Variants in STIMATE observed in about 807,000 individuals in gnomAD.
STIMATE encodes STIM activating enhancer, also known as store-operated calcium entry regulator STIMATE.
A neutral mutation model predicts 36.7 loss-of-function variants in STIMATE; 15 were observed. The observed-to-expected ratio is 0.41, with a 90% confidence interval of 0.27 to 0.63. The LOEUF is 0.63. Among genes scored for constraint, STIMATE ranks in the 20% least tolerant of loss-of-function variants. STIMATE has a pLI of 0.32. For missense variants in STIMATE, 305 were observed against 397.3 expected (o/e 0.77, Z 1.98); for synonymous variants, 163 against 162.3 (o/e 1.00, Z -0.03).
chr3:52,844,750 T>C (rs1302454385), intron 5 of STIMATE, 79 bp downstream of exon 5: 6 of 1,534,452 alleles, frequency 3.9e-6, no homozygotes, highest in Admixed American at 1.7e-5. Context: ...TTTCCTAGAG[T>C]TGGCGTATGT....
At position 52,862,670 on chromosome 3, in the gene STIMATE, C is replaced by A. The variant is rs866087854; in HGVS notation, c.161-7226G>T. ...GAAGCATATAGGTGAGTTTTCCCCT[C>A]AAAATCTAGTTGGCAATGATAATGG... On this transcript the variant is annotated intron_variant, in intron 1 of 7. Transcript: ENST00000355083. Among the ~76,000 whole-genome samples, 11 of 152,254 alleles carry A rather than the reference C, an allele frequency of 7.2e-5. No homozygotes were observed. The South Asian group carries it at 1.9e-3, about 26-fold the overall frequency.
rs1315193742 is a variant in STIMATE, at chr3:52,890,330, AC to A, written c.160+6960del. ...ACTGTTCTTATACTTTGGAAACAAC[AC>A]ACTGACCTTCTAATCTGTTCTTCTA... On this transcript the variant is annotated intron_variant, in intron 1 of 7. Coordinates refer to ENST00000355083, the MANE Select transcript of STIMATE (RefSeq NM_198563.5). 1.2e-4 allele frequency among the ~76,000 whole-genome samples: 18 copies of A among 152,376 alleles called. 1 individual carries two copies. The South Asian group carries it at 2.1e-3, about 18-fold the overall frequency.
At chr3:52,882,632 CCA>C (rs1701624363) in intron 1 of STIMATE, among the ~76,000 whole-genome samples, 1 of 152,190 alleles carries the variant, frequency 6.6e-6, no homozygotes, top group Non-Finnish European at 1.5e-5. Context: ...GAAGTAGTCA[CCA>C]CAGTGTTTCT....
intron 4 of STIMATE, chr3:52,847,261 G>A (rs1167493931): frequency 4.3e-6 from 5 of 1,169,090 alleles, no homozygotes; most frequent in South Asian, 1.7e-5. Context: ...GCATGTGGGT[G>A]TTTTGTTTGG....
intron 1 of STIMATE, among the ~76,000 whole-genome samples, chr3:52,887,276 A>G (rs1701701369): frequency 6.6e-6 from 1 of 152,082 alleles, no homozygotes; most frequent in Non-Finnish European, 1.5e-5. Context: ...GCCTCCTTCC[A>G]CCTCCCAAGA....
intron 1 of STIMATE, among the ~76,000 whole-genome samples, chr3:52,877,987 G>A (rs1030535481): frequency 6.6e-6 from 1 of 152,000 alleles, no homozygotes; most frequent in African/African-American, 2.4e-5. Flanking sequence ...CCAGCTACTC[G>A]GGAGGCAGAG....
chr3:52,868,323 A>G (rs1457805101), intron 1 of STIMATE, among the ~76,000 whole-genome samples: 4 of 152,226 alleles, frequency 2.6e-5, no homozygotes, highest in Non-Finnish European at 5.9e-5. Context: ...TGGTGTGGCC[A>G]TGTGACTCAG....
intron 1 of STIMATE, among the ~76,000 whole-genome samples, chr3:52,873,354 A>G (rs1265602621): frequency 6.6e-6 from 1 of 152,274 alleles, no homozygotes; most frequent in Non-Finnish European, 1.5e-5. Context: ...AGCAATTTTG[A>G]AGATGCAAAT....
chr3:52,891,745 A>G (rs1701786178), intron 1 of STIMATE, among the ~76,000 whole-genome samples: 1 of 152,174 alleles, frequency 6.6e-6, no homozygotes, highest in Admixed American at 6.5e-5. Flanking sequence ...TACAAACAAG[A>G]AAGAAAGGGG....
intron 3 of STIMATE, among the ~76,000 whole-genome samples, chr3:52,850,306 C>T (rs1370759287): frequency 6.6e-6 from 1 of 152,184 alleles, no homozygotes; most frequent in Non-Finnish European, 1.5e-5. Flanking sequence ...GTGGCGCGCA[C>T]CTGTAGTCCC....
intron 1 of STIMATE, among the ~76,000 whole-genome samples, chr3:52,879,907 T>G (rs1424459400): frequency 6.6e-6 from 1 of 152,130 alleles, no homozygotes; most frequent in Non-Finnish European, 1.5e-5. Context: ...CCTAGCTACA[T>G]GAAGTGAGGG....
At chr3:52,892,859 C>T (rs1278581724) in intron 1 of STIMATE, among the ~76,000 whole-genome samples, 3 of 152,060 alleles carry the variant, frequency 2.0e-5, no homozygotes, top group Non-Finnish European at 4.4e-5. Context: ...AAACATACAG[C>T]GCCGCTTATG....
intron 1 of STIMATE, among the ~76,000 whole-genome samples, chr3:52,856,796 G>A (rs925180319): frequency 6.6e-6 from 1 of 152,210 alleles, no homozygotes; most frequent in East Asian, 1.9e-4. Flanking sequence ...GAACTTGCCC[G>A]ATTTACGTCT....
At chr3:52,864,355 A>G (rs1701267106) in intron 1 of STIMATE, among the ~76,000 whole-genome samples, 1 of 152,210 alleles carries the variant, frequency 6.6e-6, no homozygotes, top group South Asian at 2.1e-4. Context: ...CCTGAGCTCT[A>G]CATTGACCCC....
chr3:52,895,763 G>T, intron 1 of STIMATE: 2 of 612,522 alleles, frequency 3.3e-6, no homozygotes, highest in Non-Finnish European at 5.0e-6. Context: ...CCAGAGCTAG[G>T]CTAAGAAACC....
intron 3 of STIMATE, among the ~76,000 whole-genome samples, chr3:52,852,150 T>G (rs979692696): frequency 6.6e-6 from 1 of 152,144 alleles, no homozygotes; most frequent in Non-Finnish European, 1.5e-5. Flanking sequence ...GGGGGCTGCA[T>G]GGAAGGCACA....
chr3:52,837,956 T>A lies in STIMATE; in HGVS notation c.*2538A>T. 6.6e-6 allele frequency: 1 copy of A among 152,006 alleles called. No homozygotes were observed. Among genetic ancestry groups the A allele is most frequent in the Middle Eastern group, 3.2e-3 (1 of 316 alleles). 9.4% of individuals were successfully genotyped at this position (152,006 alleles called of 1,614,324 possible). A position where few individuals can be genotyped will look rare whatever the true frequency, so the allele number is the denominator to read the frequency against. ...AGCCCCCAGTGACTGCAGGAGGCAC[T>A]CCTGGGGATACAGATTTGTGTGTGT... On this transcript the variant is annotated 3_prime_UTR_variant, in exon 8 of 8. Transcript: ENST00000355083.
chr3:52,850,894 A>T (rs912260077), intron 3 of STIMATE, among the ~76,000 whole-genome samples: 1 of 152,002 alleles, frequency 6.6e-6, no homozygotes, highest in African/African-American at 2.4e-5. Context: ...ACACACAGCT[A>T]ATTTTTGTAT....
At chr3:52,872,695 G>A (rs773298076) in intron 1 of STIMATE, among the ~76,000 whole-genome samples, 7 of 152,136 alleles carry the variant, frequency 4.6e-5, no homozygotes, top group Non-Finnish European at 8.8e-5. Context: ...GCACAATCTC[G>A]GCTCATTGCA....
Sources: allele counts gnomAD v4.1 joint callset (sites outside exome capture counted in the v4.1 genomes callset), GRCh38; gene constraint gnomAD v4.1.1; transcripts MANE v1.5; gene names NCBI Gene and HGNC (gene_info 2026-07-23, HGNC 2026-07-21).